FAM114A1: variants seen among roughly 807,000 people sequenced by gnomAD.
FAM114A1 encodes family with sequence similarity 114 member A1, also known as protein NOXP20.
FAM114A1 carries 62 observed loss-of-function variants against 64.3 expected under a neutral mutation model. The ratio of observed to expected loss-of-function variants is 0.96; its 90% CI spans 0.79 to 1.19. FAM114A1 has a LOEUF of 1.19. Ranked by LOEUF, FAM114A1 falls within the 50% of genes most tolerant of loss-of-function variation. The pLI, the probability that FAM114A1 is intolerant of heterozygous loss-of-function variation, is 0.00. For missense variants in FAM114A1, 645 were observed against 676.3 expected (o/e 0.95, Z 0.51); for synonymous variants, 254 against 251.1 (o/e 1.01, Z -0.11).
intron 1 of FAM114A1, chr4:38,868,058 A>T (rs928194144): frequency 1.5e-5 from 6 of 412,876 alleles, no homozygotes; most frequent in Admixed American, 5.1e-5. Flanking sequence ...CGGGCGTGTG[A>T]GTGTGTGTGT....
At chr4:38,875,947 A>G (rs1714568311) in intron 2 of FAM114A1, among the ~76,000 whole-genome samples, 1 of 152,124 alleles carries the variant, frequency 6.6e-6, no homozygotes, top group South Asian at 2.1e-4. Context: ...TTCTGCTTTA[A>G]TGGCTACATT....
At chr4:38,885,722 T>C (rs758090457) in intron 3 of FAM114A1, among the ~76,000 whole-genome samples, 1 of 152,180 alleles carries the variant, frequency 6.6e-6, no homozygotes, top group Non-Finnish European at 1.5e-5. Context: ...CAGATACAGA[T>C]AATAGAACCT....
At chr4:38,868,332 G>A (rs1450155132) in intron 1 of FAM114A1, 66 bp from the exon 2 acceptor site, 3 of 152,974 alleles carry the variant, frequency 2.0e-5, no homozygotes, top group Non-Finnish European at 4.4e-5. Flanking sequence ...GCCTGCCCTC[G>A]GCCTTGGCAC....
At chr4:38,929,080 G>T in intron 9 of FAM114A1, 162 bp from the exon 10 acceptor site, 1 of 613,002 alleles carries the variant, frequency 1.6e-6, no homozygotes, top group Non-Finnish European at 3.0e-6. Flanking sequence ...TCACTGCCAT[G>T]CTCACGAATG....
chr4:38,922,732 A>G (rs1719722570), intron 8 of FAM114A1, 38 bp from the exon 9 acceptor site: 19 of 1,587,230 alleles, frequency 1.2e-5, no homozygotes, highest in Non-Finnish European at 1.5e-5. Flanking sequence ...TAACGAGAAG[A>G]AAAGATGACA....
intron 3 of FAM114A1, among the ~76,000 whole-genome samples, chr4:38,890,357 C>T (rs1254522168): frequency 6.7e-6 from 1 of 150,152 alleles, no homozygotes; most frequent in African/African-American, 2.5e-5. Context: ...GAGCTGAGAT[C>T]GCACCACTGC....
chr4:38,906,735 A>G (rs1001879117), intron 6 of FAM114A1, among the ~76,000 whole-genome samples: 1 of 152,110 alleles, frequency 6.6e-6, no homozygotes, highest in Admixed American at 6.5e-5. Flanking sequence ...GGGTTTCACC[A>G]CGTTGGCCAG....
intron 9 of FAM114A1, among the ~76,000 whole-genome samples, chr4:38,928,867 C>T (rs1720376701): frequency 6.6e-6 from 1 of 152,226 alleles, no homozygotes. Context: ...TGTCCCAGGT[C>T]TCTTAGGCCT....
intron 8 of FAM114A1, among the ~76,000 whole-genome samples, chr4:38,922,089 G>GCA (rs1719653042): frequency 6.6e-6 from 1 of 152,128 alleles, no homozygotes; most frequent in African/African-American, 2.4e-5. Context: ...TTACAGGCAT[G>GCA]CACCACCACA....
chr4:38,911,302 C>G (rs1180440337), intron 7 of FAM114A1, among the ~76,000 whole-genome samples: 2 of 152,208 alleles, frequency 1.3e-5, no homozygotes, highest in African/African-American at 2.4e-5. Flanking sequence ...AGCCCTTCAG[C>G]CAAAGGCTGC....
intron 7 of FAM114A1, among the ~76,000 whole-genome samples, chr4:38,913,457 G>A (rs998823965): frequency 4.6e-5 from 7 of 152,082 alleles, no homozygotes; most frequent in East Asian, 1.9e-4. Flanking sequence ...GGAGTGCAAC[G>A]GCGCAGTCTC....
At chr4:38,932,020 C>T (rs1456743218) in intron 11 of FAM114A1, among the ~76,000 whole-genome samples, 2 of 152,238 alleles carry the variant, frequency 1.3e-5, no homozygotes, top group African/African-American at 4.8e-5. Flanking sequence ...GGGGATGCAG[C>T]TGTGAACAGA....
intron 3 of FAM114A1, among the ~76,000 whole-genome samples, chr4:38,879,158 G>A (rs1382656393): frequency 2.6e-5 from 4 of 152,100 alleles, no homozygotes; most frequent in Non-Finnish European, 5.9e-5. Flanking sequence ...GCAGGGGTGG[G>A]AGACGCCCCG....
At position 38,922,796 on chromosome 4, in the gene FAM114A1, T is replaced by G. The variant is rs1472524382; in HGVS notation, c.972T>G (p.Asp324Glu). The G allele has an allele frequency of 6.2e-7, 1 of 1,613,086 alleles. No homozygotes were observed. ...SKVQSFLASL[D>E]GEKLELLKND... ...TTCAGTCATTTTTAGCATCACTTGA[T>G]GGAGAGAAGCTGGAACTCTTAAAAA... Residue 324 changes from aspartate to glutamate, a missense_variant, in exon 9 of 15, where the codon GAT becomes GAG. By Grantham distance (45) the Asp-to-Glu change is conservative. Coordinates refer to ENST00000358869, the MANE Select transcript of FAM114A1 (RefSeq NM_138389.4).
intron 2 of FAM114A1, among the ~76,000 whole-genome samples, chr4:38,872,832 T>C (rs1218964481): frequency 1.3e-5 from 2 of 152,336 alleles, no homozygotes; most frequent in East Asian, 1.9e-4. Context: ...AGAGAAACCA[T>C]GACGGTCCCA....
intron 3 of FAM114A1, among the ~76,000 whole-genome samples, chr4:38,888,628 C>G (rs1326321263): frequency 6.6e-6 from 1 of 152,194 alleles, no homozygotes; most frequent in Non-Finnish European, 1.5e-5. Flanking sequence ...TTGAATATCC[C>G]TTTTGATTAA....
chr4:38,943,053 C>T (rs776517712), intron 14 of FAM114A1, among the ~76,000 whole-genome samples: 1 of 152,112 alleles, frequency 6.6e-6, no homozygotes, highest in East Asian at 1.9e-4. Context: ...ATTAGCTGGG[C>T]GTGGTGGTGC....
intron 11 of FAM114A1, 145 bp downstream of exon 11, chr4:38,931,757 A>G (rs1720662769): frequency 6.6e-6 from 5 of 762,848 alleles, no homozygotes; most frequent in Non-Finnish European, 1.0e-5. Context: ...CCTGGCCAAC[A>G]TGGTGAAACC....
chr4:38,918,172 C>T (rs1410051080), intron 8 of FAM114A1, among the ~76,000 whole-genome samples: 2 of 152,018 alleles, frequency 1.3e-5, no homozygotes, highest in East Asian at 1.9e-4. Context: ...TGTGGTGAGC[C>T]GAGATCGCGC....
Sources: allele counts gnomAD v4.1 joint callset (sites outside exome capture counted in the v4.1 genomes callset), GRCh38; gene constraint gnomAD v4.1.1; transcripts MANE v1.5; gene names NCBI Gene and HGNC (gene_info 2026-07-23, HGNC 2026-07-21).